The following FAT1 variants were observed in gnomAD, a reference collection of about 807,000 sequenced individuals.
The protein encoded by FAT1 is FAT atypical cadherin 1.
Under a neutral mutation model 329.8 loss-of-function variants are expected in FAT1, and 171 were observed. That is an observed-to-expected ratio of 0.52 (90% CI 0.46 to 0.59). The LOEUF is 0.59. FAT1 is among the 20% of genes least tolerant of loss of function. The pLI, the probability that FAT1 is intolerant of heterozygous loss-of-function variation, is 0.00. For synonymous variants in FAT1, 2,233 were observed against 2,228.6 expected (o/e 1.00, Z -0.06); for missense variants, 5,672 against 5,774.4 (o/e 0.98, Z 0.57).
At chr4:186,723,251 C>A (rs1745539972) in intron 1 of FAT1, among the ~76,000 whole-genome samples, 2 of 152,344 alleles carry the variant, frequency 1.3e-5, no homozygotes, top group Non-Finnish European at 1.5e-5. Context: ...GCGCAAACAC[C>A]CAGAGACCCA....
intron 20 of FAT1, chr4:186,601,668 A>C (rs1469278867): frequency 2.8e-6 from 1 of 351,030 alleles, no homozygotes; most frequent in African/African-American, 2.0e-5. Context: ...AAAGTAATGA[A>C]AGATTAAATA....
At chr4:186,617,633 AATACAGATCTTAT>A in intron 10 of FAT1, 62 bp downstream of exon 10, 2 of 1,228,922 alleles carry the variant, frequency 1.6e-6, no homozygotes, top group Non-Finnish European at 2.2e-6. Flanking sequence ...ATTTCCATAC[AATACAGATCTTAT>A]ACTTTATGCT....
chr4:186,623,805 T>C (rs1003699179), intron 9 of FAT1, among the ~76,000 whole-genome samples: 4 of 152,218 alleles, frequency 2.6e-5, no homozygotes, highest in Non-Finnish European at 5.9e-5. Context: ...CATCGCCCTG[T>C]GTTTTCTTTA....
chr4:186,692,366 G>A (rs1352953537), intron 2 of FAT1, among the ~76,000 whole-genome samples: 1 of 151,930 alleles, frequency 6.6e-6, no homozygotes, highest in Admixed American at 6.6e-5. Context: ...AGGCTGGAGT[G>A]CAGTGGCGCA....
At chr4:186,681,586 T>C (rs1483012370) in intron 2 of FAT1, among the ~76,000 whole-genome samples, 1 of 152,178 alleles carries the variant, frequency 6.6e-6, no homozygotes, top group African/African-American at 2.4e-5. Context: ...TGCTCTAAAG[T>C]GAAATACACA....
chr4:186,621,665 C>A lies in FAT1; in HGVS notation c.4921G>T (p.Asp1641Tyr), dbSNP rs2126527438. 1 of 1,613,998 alleles carries A rather than the reference C, an allele frequency of 6.2e-7. No homozygotes were observed. ...TCACTCATTGGTGGACTGCCCTTAT[C>A]TGTAGCTTTTACCATTAAATCATAC... is the stretch of plus-strand genomic sequence containing the variant. ...AEYDLMVKAT[D>Y]KGSPPMSEIT... Residue 1641 changes from aspartate (D) to tyrosine (Y), a missense_variant, in exon 10 of 27, where the codon GAT (aspartate) becomes TAT (tyrosine). Transcript: ENST00000441802.
At chr4:186,684,267 A>G (rs1384642655) in intron 2 of FAT1, among the ~76,000 whole-genome samples, 2 of 152,194 alleles carry the variant, frequency 1.3e-5, no homozygotes, top group Non-Finnish European at 2.9e-5. Context: ...CGTCTCATCT[A>G]GACTGAATCT....
At chr4:186,625,504 T>A (rs1740257740) in intron 9 of FAT1, among the ~76,000 whole-genome samples, 1 of 152,348 alleles carries the variant, frequency 6.6e-6, no homozygotes, top group East Asian at 1.9e-4. Flanking sequence ...TTTCCTCAAA[T>A]TTTTATTACA....
intron 26 of FAT1, among the ~76,000 whole-genome samples, chr4:186,593,249 A>G (rs1232979408): frequency 6.6e-6 from 1 of 152,164 alleles, no homozygotes; most frequent in African/African-American, 2.4e-5. Context: ...TTCCCTGCAA[A>G]TTTCTCGTCT....
At chr4:186,710,719 C>T (rs1171155614) in intron 1 of FAT1, among the ~76,000 whole-genome samples, 2 of 152,154 alleles carry the variant, frequency 1.3e-5, no homozygotes, top group African/African-American at 4.8e-5. Flanking sequence ...AACAACCTGT[C>T]ACCCTGGGCC....
rs777143569 is a variant in FAT1, at chr4:186,678,626, ATAT to A, written c.3266-15016_3266-15014del. Among the ~76,000 whole-genome samples, 11 of 148,814 alleles carry A rather than the reference ATAT, an allele frequency of 7.4e-5. No individual in the cohort carries two copies. In the East Asian group the frequency reaches 7.8e-4, roughly 11 times the overall value. On this transcript the variant is annotated intron_variant, in intron 2 of 26. Coordinates refer to ENST00000441802, the MANE Select transcript of FAT1 (RefSeq NM_005245.4). Reference sequence around the variant, plus strand: ...ATTATGTATTATATATGTTATTAATATATTATTACTTTTATATACATATTACAT... The same window carrying A: ...ATTATGTATTATATATGTTATTAATATATTACTTTTATATACATATTACAT...
rs1277455065 is a variant in FAT1 at position 186,636,905 on chromosome 4, T to G, written c.3652A>C (p.Thr1218Pro). The G allele has an allele frequency of 6.2e-7, 1 of 1,603,542 alleles. No homozygotes were observed. Among genetic ancestry groups the G allele is most frequent in the East Asian group, 2.2e-5 (1 of 44,824 alleles). ...GATTTGGGGGGACTACCATTGTCTG[T>G]CACAGTAACCTGTTTTTTTAAAGTT... ...QDEHILEVTV[T>P]DNGSPPKSTI... is the part of the protein sequence containing the mutation. Residue 1218 changes from threonine (T) to proline (P), a missense_variant, in exon 5 of 27, where the codon ACA (threonine) becomes CCA (proline). Transcript: ENST00000441802.
chr4:186,657,439 T>G (rs1269558121), intron 3 of FAT1, among the ~76,000 whole-genome samples: 1 of 152,076 alleles, frequency 6.6e-6, no homozygotes, highest in African/African-American at 2.4e-5. Context: ...ATGCAAACTA[T>G]TATTTAGTGC....
chr4:186,720,007 C>T (rs1157096924), intron 1 of FAT1, among the ~76,000 whole-genome samples: 1 of 152,184 alleles, frequency 6.6e-6, no homozygotes, highest in African/African-American at 2.4e-5. Context: ...GCATTAAAGA[C>T]CTTTGATAAT....
chr4:186,719,691 G>A (rs184508999), intron 1 of FAT1, among the ~76,000 whole-genome samples: 96 of 152,268 alleles, frequency 6.3e-4, no homozygotes, highest in African/African-American at 2.2e-3. Flanking sequence ...CTATGTATTC[G>A]AGAAATTGAA....
intron 2 of FAT1, among the ~76,000 whole-genome samples, chr4:186,687,133 G>C (rs1295342843): frequency 6.6e-6 from 1 of 152,126 alleles, no homozygotes; most frequent in Non-Finnish European, 1.5e-5. Flanking sequence ...GAAAAGGTAA[G>C]TTAAATCAGA....
intron 3 of FAT1, among the ~76,000 whole-genome samples, chr4:186,641,986 G>A (rs1278824616): frequency 3.4e-5 from 5 of 149,110 alleles, no homozygotes; most frequent in South Asian, 4.3e-4. Flanking sequence ...CAGCCTGGGC[G>A]ACAGAGCAAA....
chr4:186,663,957 C>G (rs1742310845), intron 2 of FAT1, among the ~76,000 whole-genome samples: 1 of 152,172 alleles, frequency 6.6e-6, no homozygotes, highest in African/African-American at 2.4e-5. Context: ...AAGAGATCAT[C>G]TAATGGCCCA....
At chr4:186,635,936 C>T in intron 6 of FAT1, 89 bp downstream of exon 6, 1 of 1,148,700 alleles carries the variant, frequency 8.7e-7, no homozygotes, top group Non-Finnish European at 1.3e-6. Flanking sequence ...AATTTTAAAT[C>T]CTGACTTGTG....
Sources: gnomAD v4.1 joint callset for allele counts (sites outside exome capture counted in the v4.1 genomes callset) on GRCh38, gnomAD v4.1.1 for gene constraint, MANE v1.5 for transcripts, NCBI Gene and HGNC (gene_info 2026-07-23, HGNC 2026-07-21) for gene names.